Variants in PLPPR1 observed in about 807,000 individuals in gnomAD.
PLPPR1 encodes phospholipid phosphatase related 1.
In PLPPR1, 10 loss-of-function variants were observed where a neutral mutation model predicts 33.1. That is an observed-to-expected ratio of 0.30 (90% CI 0.19 to 0.51). PLPPR1 has a LOEUF of 0.51. PLPPR1 is among the 20% of genes least tolerant of loss of function. The probability of loss-of-function intolerance (pLI) is 0.97; values close to 1 mark genes in which losing one functional copy is unlikely to be tolerated. For synonymous variants in PLPPR1, 151 were observed against 151.0 expected, an observed-to-expected ratio of 1.00 and a Z score of 0.00; for missense variants, 304 against 408.1, an observed-to-expected ratio of 0.74 and a Z score of 2.20.
At chr9:101,304,441 A>G (rs975642427) in intron 4 of PLPPR1, among the ~76,000 whole-genome samples, 1 of 152,224 alleles carries the variant, frequency 6.6e-6, no homozygotes, top group Admixed American at 6.5e-5. Flanking sequence ...AGCAAAAACA[A>G]ATGTGTTCCT....
chr9:101,040,122 G>A (rs1830059112), intron 1 of PLPPR1, among the ~76,000 whole-genome samples: 1 of 152,118 alleles, frequency 6.6e-6, no homozygotes, highest in South Asian at 2.1e-4. Flanking sequence ...TTAAACTTCA[G>A]CCCTCTTTGT....
rs549860186 is a variant in PLPPR1, at chr9:101,172,829, T to C, written c.-45-12621T>C. Among the ~76,000 whole-genome samples, 163 of 152,228 alleles carry C rather than the reference T, an allele frequency of 1.1e-3. 1 individual carries two copies. The Middle Eastern group carries it at 0.014, about 13-fold the overall frequency. Reference sequence around the variant, plus strand: ...CATTGCCTAGATACTCTCCAGACTATAAGCTAGGGCAATCATGGGGCTCAC... The same window carrying C: ...CATTGCCTAGATACTCTCCAGACTACAAGCTAGGGCAATCATGGGGCTCAC... On this transcript the variant is annotated intron_variant, in intron 1 of 7. Transcript: ENST00000374874.
chr9:101,259,038 A>C (rs1336241796), intron 2 of PLPPR1, among the ~76,000 whole-genome samples: 2 of 152,186 alleles, frequency 1.3e-5, no homozygotes, highest in African/African-American at 4.8e-5. Context: ...AAGTTATACC[A>C]AATATTTATC....
chr9:101,288,346 AGTCCG>A (rs1396471176), intron 4 of PLPPR1, among the ~76,000 whole-genome samples: 1 of 152,198 alleles, frequency 6.6e-6, no homozygotes, highest in East Asian at 1.9e-4. Flanking sequence ...ATGACACATT[AGTCCG>A]TTTGGGTCTG....
chr9:101,173,719 G>A (rs1159790777), intron 1 of PLPPR1, among the ~76,000 whole-genome samples: 1 of 152,100 alleles, frequency 6.6e-6, no homozygotes, highest in Non-Finnish European at 1.5e-5. Context: ...TAAATTAGTA[G>A]TTCTCCATCA....
chr9:101,095,965 C>T (rs543221231), intron 1 of PLPPR1, among the ~76,000 whole-genome samples: 6 of 152,126 alleles, frequency 3.9e-5, no homozygotes, highest in Non-Finnish European at 5.9e-5. Flanking sequence ...AATGAATGAA[C>T]ATGGAATGCC....
intron 7 of PLPPR1, among the ~76,000 whole-genome samples, chr9:101,321,520 G>T (rs1643815253): frequency 6.6e-6 from 1 of 152,208 alleles, no homozygotes; most frequent in Non-Finnish European, 1.5e-5. Flanking sequence ...GTATAAAGTT[G>T]TTGGGATCCC....
chr9:101,065,018 C>A lies in PLPPR1; in HGVS notation c.-46+35916C>A, dbSNP rs866057103. ...TCAACACGTCTACACTGGGGACCAA[C>A]TTTTTAAGACATGAACTTTTAGGGG... On this transcript the variant is annotated intron_variant, in intron 1 of 7. Transcript: ENST00000374874. 6.6e-5 allele frequency among the ~76,000 whole-genome samples: 10 copies of A among 152,192 alleles called. No homozygotes were observed. In the Middle Eastern group the frequency reaches 0.014, roughly 207 times the overall value.
At chr9:101,243,649 A>T (rs1278374584) in intron 2 of PLPPR1, among the ~76,000 whole-genome samples, 1 of 151,904 alleles carries the variant, frequency 6.6e-6, no homozygotes, top group Non-Finnish European at 1.5e-5. Context: ...GAAAATCTTG[A>T]CTATAAGGTG....
At chr9:101,179,983 T>G (rs1447691811) in intron 1 of PLPPR1, among the ~76,000 whole-genome samples, 1 of 151,076 alleles carries the variant, frequency 6.6e-6, no homozygotes, top group Non-Finnish European at 1.5e-5. Flanking sequence ...AACATCAGAC[T>G]CCAAGTTCTT....
intron 1 of PLPPR1, among the ~76,000 whole-genome samples, chr9:101,084,497 G>A (rs1830654228): frequency 6.6e-6 from 1 of 152,114 alleles, no homozygotes; most frequent in Non-Finnish European, 1.5e-5. Context: ...AATCTTCTGT[G>A]CAGTTGGTAC....
intron 2 of PLPPR1, among the ~76,000 whole-genome samples, chr9:101,234,181 A>G (rs1242649983): frequency 6.6e-6 from 1 of 151,758 alleles, no homozygotes; most frequent in East Asian, 1.9e-4. Flanking sequence ...ATCCTTTTCC[A>G]CGTGTCATCA....
At chr9:101,097,448 G>T (rs546770384) in intron 1 of PLPPR1, among the ~76,000 whole-genome samples, 2 of 152,276 alleles carry the variant, frequency 1.3e-5, no homozygotes, top group South Asian at 4.1e-4. Context: ...TGAATGATGT[G>T]CTTAGAATAT....
chr9:101,220,235 T>G (rs980359154), intron 2 of PLPPR1, among the ~76,000 whole-genome samples: 6 of 152,222 alleles, frequency 3.9e-5, no homozygotes, highest in Non-Finnish European at 1.5e-5. Flanking sequence ...TGAGAACCAC[T>G]CTTCTAGATG....
intron 1 of PLPPR1, among the ~76,000 whole-genome samples, chr9:101,071,219 C>T (rs1830478935): frequency 6.6e-6 from 1 of 151,978 alleles, no homozygotes; most frequent in Non-Finnish European, 1.5e-5. Context: ...CAGCAGGGGA[C>T]AGCTCAGGGA....
At chr9:101,173,103 T>C (rs1201368414) in intron 1 of PLPPR1, among the ~76,000 whole-genome samples, 1 of 152,088 alleles carries the variant, frequency 6.6e-6, no homozygotes, top group Non-Finnish European at 1.5e-5. Flanking sequence ...ATAATCTACA[T>C]CTAAGAGTAA....
chr9:101,091,015 C>T (rs1044841154), intron 1 of PLPPR1, among the ~76,000 whole-genome samples: 1 of 151,618 alleles, frequency 6.6e-6, no homozygotes, highest in Non-Finnish European at 1.5e-5. Context: ...TGCTTGGTAG[C>T]CTAAATTACC....
intron 1 of PLPPR1, among the ~76,000 whole-genome samples, chr9:101,157,347 T>C (rs1315449119): frequency 1.3e-5 from 2 of 152,138 alleles, no homozygotes. Context: ...TCTATGAGAT[T>C]TGAGCTCAAA....
chr9:101,290,672 T>TG (rs1181676945), intron 4 of PLPPR1, among the ~76,000 whole-genome samples: 1 of 152,198 alleles, frequency 6.6e-6, no homozygotes, highest in African/African-American at 2.4e-5. Context: ...TAGATATCTC[T>TG]AATTTTTTTA....
Sources: allele counts gnomAD v4.1 joint callset (sites outside exome capture counted in the v4.1 genomes callset), GRCh38; gene constraint gnomAD v4.1.1; transcripts MANE v1.5; gene names NCBI Gene and HGNC (gene_info 2026-07-23, HGNC 2026-07-21).